Variants in ERAP1 observed in about 807,000 individuals in gnomAD.
The protein encoded by ERAP1 is endoplasmic reticulum aminopeptidase 1.
Under a neutral mutation model 103.7 loss-of-function variants are expected in ERAP1, and 86 were observed. The ratio of observed to expected loss-of-function variants is 0.83; its 90% confidence interval spans 0.70 to 0.99. The LOEUF (loss-of-function observed/expected upper bound fraction) is 0.99, where lower values mean the gene tolerates loss of function less well. Ranked by LOEUF, ERAP1 falls within the 50% of genes least tolerant of loss-of-function variation. ERAP1 has a pLI of 0.00. For missense variants in ERAP1, 1,009 were observed against 1,128.4 expected, an observed-to-expected ratio of 0.89 and a Z score of 1.52; for synonymous variants, 398 against 402.4, an observed-to-expected ratio of 0.99 and a Z score of 0.13.
chr5:96,887,841 A>G, the ERAP1 span, among the ~76,000 whole-genome samples: 1 of 152,218 alleles, frequency 6.6e-6, no homozygotes, highest in South Asian at 2.1e-4. Context: ...AAAAATGGGC[A>G]TAGGCCGGGC....
chr5:96,919,649 T>C, the ERAP1 span: 895 of 152,324 alleles, frequency 5.9e-3, 16 homozygotes, highest in African/African-American at 0.02. Context: ...GATGATAATA[T>C]GAGAATTACT....
At chr5:96,902,181 T>C in the ERAP1 span, 1 of 821,222 alleles carries the variant, frequency 1.2e-6, no homozygotes, top group African/African-American at 1.7e-5. Context: ...TGATGGGTAC[T>C]TAGGTGCCTT....
At chr5:96,928,316 T>A in the ERAP1 span, among the ~76,000 whole-genome samples, 1 of 152,258 alleles carries the variant, frequency 6.6e-6, no homozygotes, top group Non-Finnish European at 1.5e-5. Flanking sequence ...GTTAAATTTA[T>A]AATCCCCCAT....
the ERAP1 span, among the ~76,000 whole-genome samples, chr5:96,856,806 G>C: frequency 2.0e-5 from 3 of 152,158 alleles, no homozygotes; most frequent in Non-Finnish European, 4.4e-5. Context: ...AATTGGCACT[G>C]TTGGCTTTCT....
At chr5:96,790,709 T>C (rs1041016684) in intron 8 of ERAP1, 66 bp from the exon 9 acceptor site, 6 of 1,446,594 alleles carry the variant, frequency 4.1e-6, no homozygotes, top group South Asian at 1.2e-5. Context: ...AATCACATAT[T>C]CTTTTGCAAT....
chr5:96,927,647 T>C, the ERAP1 span, among the ~76,000 whole-genome samples: 3,769 of 152,132 alleles, frequency 0.025, 76 homozygotes, highest in South Asian at 0.044. Flanking sequence ...CCACCGCGCC[T>C]GGCTAATTTT....
rs552429160 is a variant in ERAP1, at chr5:96,789,186, T to C, written c.1525-501A>G. On this transcript the variant is annotated intron_variant, in intron 10 of 18. Transcript: ENST00000443439. The stretch of plus-strand genomic sequence containing the variant: ...TGATACTAAAAAAGCTTTTAAGAAA[T>C]GATTTAAGAAGTAGTAAAGGCTGGG... Among the ~76,000 whole-genome samples, 26 of 152,154 alleles carry C rather than the reference T, an allele frequency of 1.7e-4. No homozygotes were observed. In the South Asian group the frequency reaches 2.1e-3, roughly 12 times the overall value.
chr5:96,792,010 A>G, intron 8 of ERAP1, 51 bp downstream of exon 8: 1 of 1,601,378 alleles, frequency 6.2e-7, no homozygotes, highest in Non-Finnish European at 8.6e-7. Context: ...CCACCCCAGT[A>G]TGTATAACTT....
chr5:96,854,603 G>A, the ERAP1 span, among the ~76,000 whole-genome samples: 3 of 151,944 alleles, frequency 2.0e-5, no homozygotes, highest in African/African-American at 4.8e-5. Context: ...AGGGTCTTTG[G>A]GAAAAATGCA....
the ERAP1 span, among the ~76,000 whole-genome samples, chr5:96,905,948 T>TA: frequency 1.3e-5 from 2 of 150,752 alleles, no homozygotes; most frequent in Admixed American, 6.6e-5. Flanking sequence ...TTTTTAATTT[T>TA]TTTTTTTTTT....
At chr5:96,787,804 G>GTA (rs1388404362) in intron 11 of ERAP1, among the ~76,000 whole-genome samples, 1 of 103,924 alleles carries the variant, frequency 9.6e-6, no homozygotes, top group Non-Finnish European at 2.1e-5. Flanking sequence ...ATATGTGTGT[G>GTA]TATATATATA....
the ERAP1 span, chr5:96,935,396 T>TA: frequency 6.6e-6 from 1 of 152,312 alleles, no homozygotes; most frequent in Admixed American, 6.5e-5. Flanking sequence ...GGCACTCTGA[T>TA]GCGGGCGGGC....
chr5:96,772,352 T>TA (rs1423569886), downstream of ERAP1: 1 of 153,184 alleles, frequency 6.5e-6, no homozygotes, highest in Admixed American at 6.6e-5. Context: ...TACAAGCACT[T>TA]ACTGACCAAA....
downstream of ERAP1, chr5:96,771,854 T>C (rs372139433): frequency 1.3e-3 from 622 of 473,740 alleles, 5 homozygotes; most frequent in South Asian, 0.011. Context: ...TACAGAGTAA[T>C]TGGTCATTCT....
chr5:96,863,141 T>G, the ERAP1 span, among the ~76,000 whole-genome samples: 1 of 152,048 alleles, frequency 6.6e-6, no homozygotes, highest in African/African-American at 2.4e-5. Context: ...GTGCCCTAAG[T>G]TTGCCCCCTG....
At chr5:96,793,758 A>G (rs1463203861) in intron 6 of ERAP1, 45 bp downstream of exon 6, 1 of 1,530,806 alleles carries the variant, frequency 6.5e-7, no homozygotes, top group African/African-American at 1.4e-5. Context: ...TAGAAGCAAT[A>G]TAAATGTAGT....
Position 96,803,677 on chromosome 5 carries a change from T to A in ERAP1, c.250A>T (p.Ile84Phe). 1.9e-6 allele frequency: 3 copies of A among 1,614,178 alleles called. No homozygotes were observed. Among genetic ancestry groups the A allele is most frequent in the Non-Finnish European group, 2.5e-6 (3 of 1,180,004 alleles). ...LTFWGTTKVE[I>F]TASQPTSTII... ...GTGCTGGTGGGCTGACTGGCTGTGA[T>A]TTCTACTTTCGTGGTTCCCCAGAAG... The change falls in exon 2 of 19, where the codon ATC becomes TTC. Residue 84 changes from isoleucine (I) to phenylalanine (F), a missense_variant. Around this residue, in one of 3 missense-constraint regions of ERAP1, gnomAD observed 392 missense variants for 455.2 expected, o/e 0.86. Transcript: ENST00000443439.
At chr5:96,777,267 A>C (rs1254575570) in intron 18 of ERAP1, among the ~76,000 whole-genome samples, 1 of 152,180 alleles carries the variant, frequency 6.6e-6, no homozygotes, top group Non-Finnish European at 1.5e-5. Context: ...CCATTGTGCG[A>C]TTCTGTTTCA....
the ERAP1 span, among the ~76,000 whole-genome samples, chr5:96,931,704 T>C: frequency 6.6e-6 from 1 of 152,240 alleles, no homozygotes; most frequent in Non-Finnish European, 1.5e-5. Flanking sequence ...GGGGAATTTC[T>C]GAGAAGGGTT....
Sources: allele counts gnomAD v4.1 joint callset (sites outside exome capture counted in the v4.1 genomes callset), GRCh38; gene constraint gnomAD v4.1.1; regional missense constraint gnomAD v4.1.1; transcripts MANE v1.5; gene names NCBI Gene and HGNC (gene_info 2026-07-23, HGNC 2026-07-21).